The following PLAC8 variants were observed in gnomAD, a reference collection of about 807,000 sequenced individuals.
The protein encoded by PLAC8 is placenta associated 8.
PLAC8 carries 6 observed loss-of-function variants against 12.6 expected under a neutral mutation model. The ratio of observed to expected loss-of-function variants is 0.48; its 90% CI spans 0.26 to 0.94. The LOEUF is 0.94. Ranked by LOEUF, PLAC8 falls within the 40% of genes least tolerant of loss-of-function variation. The pLI is 0.14. For missense variants in PLAC8, 122 were observed against 152.7 expected (o/e 0.80, Z 1.06); for synonymous variants, 54 against 52.6 (o/e 1.03, Z -0.11).
At chr4:83,113,204 G>A (rs1052254427) in intron 1 of PLAC8, among the ~76,000 whole-genome samples, 1 of 152,200 alleles carries the variant, frequency 6.6e-6, no homozygotes, top group African/African-American at 2.4e-5. Flanking sequence ...CTAGAAAAAC[G>A]TGGCCCTTCT....
intron 2 of PLAC8, among the ~76,000 whole-genome samples, chr4:83,107,360 C>A (rs1732274158): frequency 6.6e-6 from 1 of 151,856 alleles, no homozygotes; most frequent in African/African-American, 2.4e-5. Flanking sequence ...ATATGGAAAC[C>A]ATGAATCTAA....
chr4:83,108,784 T>C (rs377191781), intron 1 of PLAC8, among the ~76,000 whole-genome samples: 29 of 152,236 alleles, frequency 1.9e-4, no homozygotes, highest in South Asian at 6.2e-4. Flanking sequence ...TTATAGAAAA[T>C]AGCATTCTCT....
chr4:83,099,108 C>T (rs1389559795), intron 3 of PLAC8, among the ~76,000 whole-genome samples: 1 of 151,930 alleles, frequency 6.6e-6, no homozygotes, highest in Non-Finnish European at 1.5e-5. Context: ...TGACTGTGTG[C>T]CACAGAAGTA....
chr4:83,104,240 A>G (rs1732183129), intron 3 of PLAC8, among the ~76,000 whole-genome samples: 1 of 152,192 alleles, frequency 6.6e-6, no homozygotes, highest in African/African-American at 2.4e-5. Flanking sequence ...GCACTGGGAA[A>G]CCAAAAAATT....
intron 3 of PLAC8, among the ~76,000 whole-genome samples, chr4:83,100,409 C>G (rs551747864): frequency 1.3e-5 from 2 of 152,262 alleles, no homozygotes; most frequent in East Asian, 3.9e-4. Flanking sequence ...GAAGCAGATG[C>G]CACTATGCTT....
chr4:83,096,612 A>C (rs754009653), intron 3 of PLAC8, among the ~76,000 whole-genome samples: 1 of 152,122 alleles, frequency 6.6e-6, no homozygotes, highest in Non-Finnish European at 1.5e-5. Context: ...CTTTCCTTAG[A>C]TTTTGTTCTA....
At chr4:83,107,196 G>A (rs1445991351) in intron 2 of PLAC8, among the ~76,000 whole-genome samples, 5 of 136,992 alleles carry the variant, frequency 3.6e-5, no homozygotes, top group Admixed American at 7.3e-5. Flanking sequence ...GTGAGACTTC[G>A]TCTCAAAAAC....
At chr4:83,113,819 GC>G (rs1234239942) in intron 1 of PLAC8, among the ~76,000 whole-genome samples, 1 of 152,076 alleles carries the variant, frequency 6.6e-6, no homozygotes, top group Non-Finnish European at 1.5e-5. Flanking sequence ...AGGAAATCTT[GC>G]AGTATTTGGC....
intron 4 of PLAC8, 171 bp downstream of exon 4, chr4:83,094,507 A>C: frequency 1.9e-6 from 1 of 539,814 alleles, no homozygotes; most frequent in South Asian, 2.5e-5. Flanking sequence ...GTATAGAGCT[A>C]TCTTCTTCAT....
intron 1 of PLAC8, among the ~76,000 whole-genome samples, chr4:83,111,961 G>A (rs995530873): frequency 2.0e-5 from 3 of 152,052 alleles, no homozygotes; most frequent in Non-Finnish European, 4.4e-5. Flanking sequence ...GGGAGGCTGA[G>A]GTCGGGAGTT....
chr4:83,098,824 T>C (rs1370328302), intron 3 of PLAC8, among the ~76,000 whole-genome samples: 1 of 152,090 alleles, frequency 6.6e-6, no homozygotes, highest in Non-Finnish European at 1.5e-5. Context: ...TCTGGTGTTT[T>C]AAACCTTTGA....
chr4:83,100,230 A>T (rs551487399), intron 3 of PLAC8, among the ~76,000 whole-genome samples: 1 of 149,686 alleles, frequency 6.7e-6, no homozygotes, highest in Non-Finnish European at 1.5e-5. Flanking sequence ...GCAGTGAGCC[A>T]AGATCGTGCC....
intron 1 of PLAC8, among the ~76,000 whole-genome samples, chr4:83,112,168 C>T (rs750933376): frequency 1.3e-3 from 171 of 134,928 alleles, no homozygotes; most frequent in Non-Finnish European, 1.5e-3. Flanking sequence ...AGCGAGACTC[C>T]GTCTCAAAAA....
At position 83,107,799 on chromosome 4, in the gene PLAC8, C is replaced by A; in HGVS notation, c.118+5G>T. The stretch of plus-strand genomic sequence containing the variant: ...AATAAGGGGGTTCTTTCCCCACACA[C>A]TTACAGACTCCGCAGTCGCTGAAAC... On this transcript the variant is annotated splice_donor_5th_base_variant and intron_variant, in intron 2 of 4. Transcript: ENST00000311507. The A allele has an allele frequency of 6.3e-7, 1 of 1,587,886 alleles. No individual in the cohort carries two copies. The highest frequency in any genetic ancestry group is 8.6e-7 in the Non-Finnish European group (1 of 1,159,044).
intron 3 of PLAC8, among the ~76,000 whole-genome samples, chr4:83,099,954 C>T (rs1037265650): frequency 3.1e-4 from 46 of 150,734 alleles, no homozygotes; most frequent in African/African-American, 9.3e-4. Context: ...TGCAGTGAGA[C>T]GAGATCATAC....
chr4:83,099,431 A>G (rs1170490617), intron 3 of PLAC8, among the ~76,000 whole-genome samples: 1 of 152,116 alleles, frequency 6.6e-6, no homozygotes, highest in Non-Finnish European at 1.5e-5. Flanking sequence ...GCAATATTTC[A>G]ATTTTTTTCA....
chr4:83,107,620 C>CTTTTTTTTTT (rs70946974), intron 2 of PLAC8, among the ~76,000 whole-genome samples, 184 bp downstream of exon 2: 220 of 13,852 alleles, frequency 0.016, 102 homozygotes, highest in East Asian at 0.036. Flanking sequence ...CATACGGAGG[C>CTTTTTTTTTT]TTTTTTTTTT....
intron 1 of PLAC8, among the ~76,000 whole-genome samples, chr4:83,114,118 C>G (rs1732481499): frequency 6.6e-6 from 1 of 151,926 alleles, no homozygotes; most frequent in East Asian, 1.9e-4. Flanking sequence ...ATCTCTCCAT[C>G]TCTCTTTATA....
chr4:83,110,733 C>G (rs1365443680), intron 1 of PLAC8, among the ~76,000 whole-genome samples: 2 of 152,228 alleles, frequency 1.3e-5, no homozygotes, highest in Non-Finnish European at 2.9e-5. Context: ...AGGTGGGGAC[C>G]AGATCTTCCC....
Sources: allele counts gnomAD v4.1 joint callset (sites outside exome capture counted in the v4.1 genomes callset), GRCh38; gene constraint gnomAD v4.1.1; transcripts MANE v1.5; gene names NCBI Gene and HGNC (gene_info 2026-07-23, HGNC 2026-07-21).